Variants in RABIF observed in about 807,000 individuals in gnomAD.
RABIF encodes RAB interacting factor.
In RABIF, 13 loss-of-function variants were observed where a neutral mutation model predicts 12.3. That is an observed-to-expected ratio of 1.06 (90% CI 0.69 to 1.68). The LOEUF (loss-of-function observed/expected upper bound fraction) is 1.68. RABIF is among the 40% of genes most tolerant of loss of function. The pLI is 0.00. For synonymous variants in RABIF, 70 were observed against 63.3 expected, an observed-to-expected ratio of 1.11 and a Z score of -0.50; for missense variants, 153 against 158.0, an observed-to-expected ratio of 0.97 and a Z score of 0.17.
intron 1 of RABIF, 25 bp from the exon 2 acceptor site, chr1:202,881,248 A>G: frequency 6.3e-7 from 1 of 1,599,454 alleles, no homozygotes; most frequent in East Asian, 2.2e-5. Context: ...AACATAAAGA[A>G]CGCAGAAGTT....
chr1:202,886,306 G>A (rs1482114619), intron 1 of RABIF, among the ~76,000 whole-genome samples: 2 of 126,986 alleles, frequency 1.6e-5, no homozygotes, highest in East Asian at 2.8e-4. Context: ...GGGAGGGGGA[G>A]GGGATGGGAG....
chr1:202,885,843 T>C (rs761625731), intron 1 of RABIF, among the ~76,000 whole-genome samples: 34 of 152,278 alleles, frequency 2.2e-4, no homozygotes, highest in Non-Finnish European at 4.6e-4. Context: ...AGGAGAACAC[T>C]GGGTTGGATT....
chr1:202,889,046 C>G lies in RABIF; in HGVS notation c.53G>C (p.Arg18Pro). The G allele has an allele frequency of 6.2e-7, 1 of 1,610,798 alleles. No homozygotes were observed. The highest frequency in any genetic ancestry group is 8.5e-7 in the Non-Finnish European group (1 of 1,178,904). Residue 18 changes from arginine to proline, a missense_variant, in exon 1 of 2, where the codon CGG becomes CCG. Physicochemically the swap from Arg to Pro is moderately radical, Grantham distance 103. Around this residue, in one of 2 missense-constraint regions of RABIF, gnomAD observed 113 missense variants for 90.9 expected, o/e 1.24. Transcript: ENST00000367262. Reference sequence around the variant, plus strand: ...GCAACGCTGGCACAGCACCGCCTTCCGGTTTCGGCCCTCGGCTGACACTAA... The same window carrying G: ...GCAACGCTGGCACAGCACCGCCTTCGGGTTTCGGCCCTCGGCTGACACTAA... ...SELVSAEGRNRKAVLCQRCGS... is the reference protein window; with the variant it reads ...SELVSAEGRNPKAVLCQRCGS...
Position 202,889,025 on chromosome 1 carries a change from C to A in RABIF, c.74G>T (p.Arg25Leu), listed in dbSNP as rs1221106452. Reference sequence around the variant, plus strand: ...TGGCTGCAGCACCCGGGAGCCGCAACGCTGGCACAGCACCGCCTTCCGGTT... The same window carrying A: ...TGGCTGCAGCACCCGGGAGCCGCAAAGCTGGCACAGCACCGCCTTCCGGTT... The part of the protein sequence containing the change: ...GRNRKAVLCQ[R>L]CGSRVLQPGT... The change falls in exon 1 of 2, where the codon CGT becomes CTT. Residue 25 changes from arginine to leucine, a missense_variant. Arg to Leu is a moderately radical substitution (Grantham distance 102). Transcript: ENST00000367262. 1 of 1,606,650 alleles carries A rather than the reference C, an allele frequency of 6.2e-7. No individual in the cohort carries two copies. Among genetic ancestry groups the A allele is most frequent in the Non-Finnish European group, 8.5e-7 (1 of 1,177,154 alleles).
At chr1:202,885,086 C>CAAA (rs113531957) in intron 1 of RABIF, among the ~76,000 whole-genome samples, 28 of 120,634 alleles carry the variant, frequency 2.3e-4, no homozygotes, top group African/African-American at 6.2e-4. Flanking sequence ...GACTCTATCT[C>CAAA]AAAAAAAAAA....
intron 1 of RABIF, among the ~76,000 whole-genome samples, chr1:202,885,369 T>A (rs191363038): frequency 6.6e-6 from 1 of 152,330 alleles, no homozygotes; most frequent in Non-Finnish European, 1.5e-5. Flanking sequence ...ACTGTTCCCA[T>A]CTGCAGACTA....
intron 1 of RABIF, among the ~76,000 whole-genome samples, chr1:202,884,455 G>A (rs959304355): frequency 6.6e-6 from 1 of 152,112 alleles, no homozygotes; most frequent in Admixed American, 6.5e-5. Context: ...AGGCCATGGT[G>A]ATTGCTTGAC....
chr1:202,886,484 G>A (rs1045250677), intron 1 of RABIF, among the ~76,000 whole-genome samples: 19 of 152,194 alleles, frequency 1.2e-4, no homozygotes, highest in Admixed American at 2.6e-4. Flanking sequence ...TACTTGGGAA[G>A]CTGAGGTAGG....
rs766566463 is a variant in RABIF, at chr1:202,881,230, T to A, written c.127-7A>T. The A allele has an allele frequency of 1.2e-6, 2 of 1,609,678 alleles. No individual in the cohort carries two copies. Among genetic ancestry groups the A allele is most frequent in the Middle Eastern group, 3.3e-4 (2 of 6,022 alleles). On this transcript the variant is annotated splice_region_variant and splice_polypyrimidine_tract_variant and intron_variant, in intron 1 of 1. Coordinates refer to ENST00000367262, the MANE Select transcript of RABIF (RefSeq NM_002871.5). ...TCATGGAGGGAAGGAAAAGCTGCAG[T>A]GGGAAAGAACATAAAGAACGCAGAA...
Position 202,880,725 on chromosome 1 carries a change from A to G in RABIF, c.*253T>C, listed in dbSNP as rs1659476066. On this transcript the variant is annotated 3_prime_UTR_variant, in exon 2 of 2. Transcript: ENST00000367262. ...GGGAAGAGATGAGATTTTTGGAGGTAAGCACAGTGTCCCAAAACTGGGGGA... is the reference window on the plus strand; with the variant it reads ...GGGAAGAGATGAGATTTTTGGAGGTGAGCACAGTGTCCCAAAACTGGGGGA... 5 of 1,232,536 alleles carry G rather than the reference A, an allele frequency of 4.1e-6. No homozygotes were observed. Among genetic ancestry groups the G allele is most frequent in the Admixed American group, 7.1e-5 (2 of 28,220 alleles). 76.3% of individuals were successfully genotyped at this position (1,232,536 alleles called of 1,614,324 possible).
chr1:202,884,753 G>A (rs562412663), intron 1 of RABIF, among the ~76,000 whole-genome samples: 10 of 152,132 alleles, frequency 6.6e-5, no homozygotes, highest in Admixed American at 5.9e-4. Flanking sequence ...GAACTGCCTC[G>A]CTAAACCCAG....
Position 202,881,194 on chromosome 1 carries a change from T to C in RABIF, c.156A>G (p.Pro52=). ...CAGGATTGCTGCCGTCAGACAGAGC[T>C]GGCTTCTTTCTCATGGAGGGAAGGA... ...QLFLPSMRKK[P]ALSDGSNPDG... The change falls in exon 2 of 2, where the codon CCA becomes CCG. Residue 52 remains proline (P), a synonymous_variant. Transcript: ENST00000367262. 6.2e-7 allele frequency: 1 copy of C among 1,613,814 alleles called. No homozygotes were observed. Among genetic ancestry groups the C allele is most frequent in the Non-Finnish European group, 8.5e-7 (1 of 1,179,754 alleles).
chr1:202,879,450 A>G lies in RABIF; in HGVS notation c.*1528T>C, dbSNP rs2102394489. 6.6e-6 allele frequency: 1 copy of G among 152,364 alleles called. No individual in the cohort carries two copies. The highest frequency in any genetic ancestry group is 1.9e-4 in the East Asian group (1 of 5,190). The allele number at this position is 152,364 out of a possible 1,614,324, so 9.4% of individuals were successfully genotyped here. A position where few individuals can be genotyped will look rare whatever the true frequency, so the allele number is the denominator to read the frequency against. ...AGCTTAGGTTCTGGCTTGTGATGTG[A>G]GGGGCCATGTGCCCCTAGAGGCATC... On this transcript the variant is annotated 3_prime_UTR_variant, in exon 2 of 2. Coordinates refer to ENST00000367262, the MANE Select transcript of RABIF (RefSeq NM_002871.5).
rs59213992 is a variant in RABIF at position 202,886,233 on chromosome 1, C to CGGGGAACG, written c.126+2739_126+2740insCGTTCCCC. Among the ~76,000 whole-genome samples the CGGGGAACG allele has an allele frequency of 4.8e-4, 63 of 131,134 alleles. 1 individual carries two copies. Among genetic ancestry groups the CGGGGAACG allele is most frequent in the African/African-American group, 1.5e-3 (49 of 33,718 alleles). The allele number at this position is 131,134 out of a possible 152,430, so 86.0% of individuals were successfully genotyped here. On this transcript the variant is annotated intron_variant, in intron 1 of 1. Transcript: ENST00000367262. ...GCTTTTGACAGAGCACAACGGGGAA[C>CGGGGAACG]GGGAACGGGGAGGGGAGGGGAGGTG...
At position 202,889,135 on chromosome 1, in the gene RABIF, G is replaced by C; in HGVS notation, c.-37C>G. ...CCACAGGCTCCTCAGCCACGGCTGC[G>C]CAGACGCTGTCTCTGCTGGCTCGTT... On this transcript the variant is annotated 5_prime_UTR_variant, in exon 1 of 2. Coordinates refer to ENST00000367262, the MANE Select transcript of RABIF (RefSeq NM_002871.5). 1 of 1,579,398 alleles carries C rather than the reference G, an allele frequency of 6.3e-7. No individual in the cohort carries two copies. The highest frequency in any genetic ancestry group is 8.6e-7 in the Non-Finnish European group (1 of 1,162,968).
At chr1:202,888,914 C>T in intron 1 of RABIF, 59 bp downstream of exon 1, 1 of 1,461,082 alleles carries the variant, frequency 6.8e-7, no homozygotes. Flanking sequence ...CAGATTCTGA[C>T]TGCGGCGGCT....
At chr1:202,887,545 T>C (rs1185336614) in intron 1 of RABIF, among the ~76,000 whole-genome samples, 2 of 151,032 alleles carry the variant, frequency 1.3e-5, no homozygotes, top group Admixed American at 6.6e-5. Flanking sequence ...TTGCCCACAC[T>C]GGAGTGCAGT....
chr1:202,884,494 G>A (rs966413493), intron 1 of RABIF, among the ~76,000 whole-genome samples: 1 of 152,130 alleles, frequency 6.6e-6, no homozygotes, highest in Non-Finnish European at 1.5e-5. Context: ...TGACAGGCTG[G>A]TTAGAAAATG....
intron 1 of RABIF, 43 bp downstream of exon 1, chr1:202,888,930 G>A (rs1347311132): frequency 1.3e-6 from 2 of 1,485,562 alleles, no homozygotes; most frequent in Non-Finnish European, 1.8e-6. Context: ...CGGCTCGTCG[G>A]GGGAGACTGT....
Sources: allele counts gnomAD v4.1 joint callset (sites outside exome capture counted in the v4.1 genomes callset), GRCh38; gene constraint gnomAD v4.1.1; regional missense constraint gnomAD v4.1.1; transcripts MANE v1.5; gene names NCBI Gene and HGNC (gene_info 2026-07-23, HGNC 2026-07-21).